The following PRKG1 variants were observed in gnomAD, a reference collection of about 807,000 sequenced individuals.
PRKG1 encodes cGMP-dependent protein kinase 1.
Under a neutral mutation model 88.1 loss-of-function variants are expected in PRKG1, and 35 were observed. The ratio of observed to expected loss-of-function variants is 0.40; its 90% CI spans 0.30 to 0.53. The LOEUF is 0.53. PRKG1 is among the 20% of genes least tolerant of loss of function. PRKG1 has a pLI of 0.59. For synonymous variants in PRKG1, 303 were observed against 292.5 expected, an observed-to-expected ratio of 1.04 and a Z score of -0.37; for missense variants, 540 against 839.8, an observed-to-expected ratio of 0.64 and a Z score of 4.41.
intron 3 of PRKG1, among the ~76,000 whole-genome samples, chr10:51,714,022 CAGACTGG>C (rs1162693430): frequency 1.3e-5 from 2 of 152,098 alleles, no homozygotes; most frequent in Non-Finnish European, 2.9e-5. Context: ...CTCTGTTGCC[CAGACTGG>C]AGTGCAGTGG....
intron 4 of PRKG1, among the ~76,000 whole-genome samples, chr10:51,839,921 G>A (rs1840227542): frequency 6.6e-6 from 1 of 152,166 alleles, no homozygotes; most frequent in Non-Finnish European, 1.5e-5. Flanking sequence ...CAATATCTAA[G>A]TTTAGTTTTT....
At chr10:52,225,856 T>C (rs1024481290) in intron 9 of PRKG1, among the ~76,000 whole-genome samples, 1 of 152,140 alleles carries the variant, frequency 6.6e-6, no homozygotes, top group East Asian at 1.9e-4. Flanking sequence ...GTGCCTTTTT[T>C]TGTGCCAGTA....
chr10:51,511,649 C>G (rs1048674251), intron 3 of PRKG1, among the ~76,000 whole-genome samples: 1 of 152,140 alleles, frequency 6.6e-6, no homozygotes, highest in African/African-American at 2.4e-5. Flanking sequence ...ATCAGTAACA[C>G]TACAATGGTT....
At chr10:51,858,790 T>C (rs1435729064) in intron 4 of PRKG1, among the ~76,000 whole-genome samples, 5 of 152,076 alleles carry the variant, frequency 3.3e-5, no homozygotes, top group African/African-American at 1.2e-4. Flanking sequence ...ATAAAGGCAC[T>C]TTCAAACCTG....
intron 2 of PRKG1, among the ~76,000 whole-genome samples, chr10:51,315,643 T>A (rs1179052781): frequency 6.6e-6 from 1 of 152,202 alleles, no homozygotes; most frequent in South Asian, 2.1e-4. Context: ...CTAAGTAACT[T>A]TCCTGAGACC....
chr10:51,329,853 T>A (rs1158148445), intron 2 of PRKG1, among the ~76,000 whole-genome samples: 4 of 151,768 alleles, frequency 2.6e-5, no homozygotes, highest in Non-Finnish European at 5.9e-5. Context: ...GTTATTTGCT[T>A]CATTTCTCTT....
intron 6 of PRKG1, among the ~76,000 whole-genome samples, chr10:52,060,795 T>G (rs2133265866): frequency 6.6e-6 from 1 of 152,060 alleles, no homozygotes; most frequent in Admixed American, 6.5e-5. Context: ...TTCATAGACG[T>G]TGGCCCTAGT....
At chr10:51,531,457 A>G (rs996433364) in intron 3 of PRKG1, among the ~76,000 whole-genome samples, 4 of 152,124 alleles carry the variant, frequency 2.6e-5, no homozygotes, top group Non-Finnish European at 5.9e-5. Flanking sequence ...CTCTGCAGAA[A>G]TAAGAATACC....
chr10:52,255,210 T>TACATTTACAA, intron 10 of PRKG1, among the ~76,000 whole-genome samples: 1 of 152,108 alleles, frequency 6.6e-6, no homozygotes, highest in East Asian at 1.9e-4. Context: ...GTAAGTCATC[T>TACATTTACAA]AGGTAATCGT....
chr10:51,526,345 C>G (rs1841883152), intron 3 of PRKG1, among the ~76,000 whole-genome samples: 1 of 151,990 alleles, frequency 6.6e-6, no homozygotes, highest in Non-Finnish European at 1.5e-5. Flanking sequence ...GTAGAAAATT[C>G]TACTTAGATT....
rs1333867804 is a variant in PRKG1, at chr10:52,249,161, T to C, written c.1077-2409T>C. ...TGTGTTGGCTATTTCAGAACTATTGTTTATTCCTATTGCTCTAGGACCAGA... is the reference window on the plus strand; with the variant it reads ...TGTGTTGGCTATTTCAGAACTATTGCTTATTCCTATTGCTCTAGGACCAGA... On this transcript the variant is annotated intron_variant, in intron 9 of 17. Coordinates refer to ENST00000373980, the MANE Select transcript of PRKG1 (RefSeq NM_006258.4). Among the ~76,000 whole-genome samples the C allele has an allele frequency of 2.0e-5, 3 of 149,432 alleles. No individual in the cohort carries two copies. The Admixed American group carries it at 2.0e-4, about 10-fold the overall frequency.
At chr10:51,300,157 C>A (rs907394173) in intron 2 of PRKG1, among the ~76,000 whole-genome samples, 1 of 152,142 alleles carries the variant, frequency 6.6e-6, no homozygotes, top group Non-Finnish European at 1.5e-5. Flanking sequence ...TTGAAGATGA[C>A]CTTATAGAGG....
rs566657159 is a variant in PRKG1 at position 51,947,080 on chromosome 10, G to A, written c.762+39510G>A. On this transcript the variant is annotated intron_variant, in intron 5 of 17. Transcript: ENST00000373980. The stretch of plus-strand genomic sequence containing the variant: ...TGCCCCCAGATGTGGAGCCTACAGA[G>A]GCAGGCAGGCCTCCTTGAGCTGTGG... 1.8e-4 allele frequency among the ~76,000 whole-genome samples: 27 copies of A among 152,182 alleles called. No individual in the cohort carries two copies. The South Asian group carries it at 3.9e-3, about 22-fold the overall frequency.
At chr10:52,255,464 A>G (rs1841285300) in intron 10 of PRKG1, among the ~76,000 whole-genome samples, 1 of 152,046 alleles carries the variant, frequency 6.6e-6, no homozygotes, top group Non-Finnish European at 1.5e-5. Flanking sequence ...CAATCCACAT[A>G]TCTCCTATAC....
At chr10:51,166,470 A>T (rs950277487) in intron 2 of PRKG1, among the ~76,000 whole-genome samples, 2 of 152,172 alleles carry the variant, frequency 1.3e-5, no homozygotes, top group Non-Finnish European at 2.9e-5. Flanking sequence ...TAATAGCGAT[A>T]ACTATAGGTA....
At chr10:52,141,010 T>C (rs145843440) in intron 8 of PRKG1, among the ~76,000 whole-genome samples, 12 of 152,316 alleles carry the variant, frequency 7.9e-5, no homozygotes, top group Non-Finnish European at 1.6e-4. Context: ...TTTTGGTTCA[T>C]TTTCCAGAAT....
chr10:51,795,894 C>T lies in PRKG1; in HGVS notation c.593-8691C>T, dbSNP rs150358889. ...AAACATTTTAAATGAGACTTACCTA[C>T]TATCTGAGAATGTTCCCTGAAAAAC... On this transcript the variant is annotated intron_variant, in intron 3 of 17. Coordinates refer to ENST00000373980, the MANE Select transcript of PRKG1 (RefSeq NM_006258.4). 3.7e-4 allele frequency among the ~76,000 whole-genome samples: 57 copies of T among 152,158 alleles called. No homozygotes were observed. In the East Asian group the frequency reaches 9.3e-3, roughly 25 times the overall value.
intron 7 of PRKG1, among the ~76,000 whole-genome samples, chr10:52,068,218 AAAAAAAAAAG>A (rs1354733796): frequency 6.6e-6 from 1 of 151,498 alleles, no homozygotes; most frequent in African/African-American, 2.4e-5. Flanking sequence ...AAAAAAAAAA[AAAAAAAAAAG>A]ATCCCTACTT....
intron 5 of PRKG1, among the ~76,000 whole-genome samples, chr10:52,005,340 C>T (rs1191257728): frequency 6.6e-6 from 1 of 151,380 alleles, no homozygotes; most frequent in Admixed American, 6.6e-5. Flanking sequence ...GTGATGTGCC[C>T]ACCTCAGCTT....
Sources: allele counts gnomAD v4.1 joint callset (sites outside exome capture counted in the v4.1 genomes callset), GRCh38; gene constraint gnomAD v4.1.1; transcripts MANE v1.5; gene names NCBI Gene and HGNC (gene_info 2026-07-23, HGNC 2026-07-21).